Variants in DLG2 observed in about 807,000 individuals in gnomAD.
DLG2 encodes discs large MAGUK scaffold protein 2.
A neutral mutation model predicts 132.5 loss-of-function variants in DLG2; 45 were observed. The ratio of observed to expected loss-of-function variants is 0.34; its 90% CI spans 0.27 to 0.44. The LOEUF (loss-of-function observed/expected upper bound fraction) is 0.44, where lower values mean the gene tolerates loss of function less well. Among genes scored for constraint, DLG2 ranks in the 20% least tolerant of loss-of-function variants. The pLI, the probability that DLG2 is intolerant of heterozygous loss-of-function variation, is 1.00. For missense variants in DLG2, 1,045 were observed against 1,196.9 expected (o/e 0.87, Z 1.87); for synonymous variants, 424 against 419.6 (o/e 1.01, Z -0.13).
Position 83,608,442 on chromosome 11 carries a change from A to G in DLG2, c.1940+24769T>C, listed in dbSNP as rs544413604. On this transcript the variant is annotated intron_variant, in intron 19 of 27. Coordinates refer to ENST00000376104, the MANE Select transcript of DLG2 (RefSeq NM_001142699.3). ...CAATGAGCATTTCCCTTTTCATGTT[A>G]GCACCCAAAAAGTTTTGGATTTTGG... is the stretch of plus-strand genomic sequence containing the variant. 8.8e-4 allele frequency among the ~76,000 whole-genome samples: 134 copies of G among 152,080 alleles called. 1 individual carries two copies. Among genetic ancestry groups the G allele is most frequent in the Non-Finnish European group, 1.5e-3 (100 of 67,974 alleles).
At chr11:84,895,763 G>C (rs1039978851) in intron 6 of DLG2, among the ~76,000 whole-genome samples, 2 of 152,096 alleles carry the variant, frequency 1.3e-5, no homozygotes, top group African/African-American at 4.8e-5. Flanking sequence ...GTTATAGTTT[G>C]AATAAGTATT....
intron 15 of DLG2, among the ~76,000 whole-genome samples, chr11:83,923,254 T>C (rs962998710): frequency 6.6e-6 from 1 of 152,176 alleles, no homozygotes; most frequent in African/African-American, 2.4e-5. Flanking sequence ...TAATGACTAA[T>C]GTGGCTAGTG....
chr11:83,871,638 G>GC (rs6144417), intron 16 of DLG2, among the ~76,000 whole-genome samples: 12,700 of 151,820 alleles, frequency 0.084, 746 homozygotes, highest in Non-Finnish European at 0.12. Context: ...CCCACTATGT[G>GC]CACGTTATCT....
At chr11:85,101,275 T>C (rs2070803406) in intron 6 of DLG2, among the ~76,000 whole-genome samples, 1 of 152,118 alleles carries the variant, frequency 6.6e-6, no homozygotes, top group South Asian at 2.1e-4. Flanking sequence ...TAAAATGCCA[T>C]GATTATACGA....
intron 7 of DLG2, among the ~76,000 whole-genome samples, chr11:84,361,853 G>A (rs771394634): frequency 1.3e-5 from 2 of 151,778 alleles, no homozygotes; most frequent in Non-Finnish European, 2.9e-5. Flanking sequence ...TTTAAAGATA[G>A]ACTGTGATAA....
Position 83,872,642 on chromosome 11 carries a change from G to C in DLG2, c.1565+1778C>G, listed in dbSNP as rs924261162. On this transcript the variant is annotated intron_variant, in intron 16 of 27. Transcript: ENST00000376104. ...GTTCCTCTAACTCAAGTGGAAAACA[G>C]TGGAAATTGAAAAATATTCTTAGGG... 2.6e-5 allele frequency among the ~76,000 whole-genome samples: 4 copies of C among 152,154 alleles called. 1 individual carries two copies. Among genetic ancestry groups the C allele is most frequent in the African/African-American group, 9.7e-5 (4 of 41,450 alleles).
At chr11:85,492,230 G>A (rs1008995425) in intron 3 of DLG2, among the ~76,000 whole-genome samples, 1 of 152,056 alleles carries the variant, frequency 6.6e-6, no homozygotes, top group African/African-American at 2.4e-5. Flanking sequence ...ATGTGTATTC[G>A]GTTGGTGCAA....
intron 2 of DLG2, among the ~76,000 whole-genome samples, chr11:85,605,174 T>A (rs1224595359): frequency 6.6e-6 from 1 of 152,086 alleles, no homozygotes; most frequent in Non-Finnish European, 1.5e-5. Flanking sequence ...CACTGAGAAG[T>A]CATACCTATT....
chr11:83,600,013 C>G (rs1320281811), intron 19 of DLG2, among the ~76,000 whole-genome samples: 2 of 152,118 alleles, frequency 1.3e-5, no homozygotes, highest in African/African-American at 4.8e-5. Flanking sequence ...TACAGATAAG[C>G]TGAGTGTAAT....
chr11:83,862,255 C>A (rs1305566905), intron 16 of DLG2, among the ~76,000 whole-genome samples: 1 of 152,024 alleles, frequency 6.6e-6, no homozygotes, highest in Admixed American at 6.6e-5. Flanking sequence ...CACTACTATC[C>A]AGCCATAAAA....
At chr11:83,832,634 T>A (rs1394756937) in intron 17 of DLG2, among the ~76,000 whole-genome samples, 1 of 152,096 alleles carries the variant, frequency 6.6e-6, no homozygotes, top group Non-Finnish European at 1.5e-5. Context: ...GGGAAATGAT[T>A]GAAAAACTAC....
intron 3 of DLG2, among the ~76,000 whole-genome samples, chr11:85,446,998 G>T (rs901180634): frequency 6.6e-6 from 1 of 152,002 alleles, no homozygotes; most frequent in Non-Finnish European, 1.5e-5. Flanking sequence ...AAAGAGAAAG[G>T]CAACACAGTG....
At chr11:84,159,154 C>T (rs2095492621) in intron 9 of DLG2, among the ~76,000 whole-genome samples, 1 of 152,194 alleles carries the variant, frequency 6.6e-6, no homozygotes, top group Non-Finnish European at 1.5e-5. Context: ...ATGCCAACCA[C>T]TCCCTGAGTA....
chr11:84,574,955 A>G (rs559810067), intron 6 of DLG2, among the ~76,000 whole-genome samples: 3 of 152,158 alleles, frequency 2.0e-5, no homozygotes, highest in African/African-American at 7.2e-5. Context: ...CCCTGTCAAT[A>G]TGTCTTTGAG....
At chr11:83,705,823 T>G (rs1474876016) in intron 18 of DLG2, among the ~76,000 whole-genome samples, 1 of 152,262 alleles carries the variant, frequency 6.6e-6, no homozygotes, top group African/African-American at 2.4e-5. Flanking sequence ...AAGGCTTATT[T>G]TGCATGGCTC....
chr11:84,596,190 G>GTCTCTCTCTCTC (rs59824224), intron 6 of DLG2, among the ~76,000 whole-genome samples: 20 of 144,824 alleles, frequency 1.4e-4, no homozygotes, highest in African/African-American at 4.6e-4. Flanking sequence ...TCTTTTCTCT[G>GTCTCTCTCTCTC]TCTCTCTCTC....
intron 21 of DLG2, among the ~76,000 whole-genome samples, chr11:83,485,018 A>G (rs1336226564): frequency 6.6e-6 from 1 of 152,150 alleles, no homozygotes; most frequent in Non-Finnish European, 1.5e-5. Flanking sequence ...CCATGAGGCA[A>G]TCAACCAAAA....
intron 3 of DLG2, among the ~76,000 whole-genome samples, chr11:85,458,021 A>T (rs1305013366): frequency 6.6e-6 from 1 of 152,136 alleles, no homozygotes; most frequent in Non-Finnish European, 1.5e-5. Flanking sequence ...GATATTCTAA[A>T]ATATGTTTTC....
chr11:85,431,344 A>G (rs1314351675), intron 3 of DLG2, among the ~76,000 whole-genome samples: 3 of 152,128 alleles, frequency 2.0e-5, no homozygotes, highest in Non-Finnish European at 4.4e-5. Context: ...AGCCAAGGGA[A>G]GTGGTGAGTG....
Sources: allele counts gnomAD v4.1 joint callset (sites outside exome capture counted in the v4.1 genomes callset), GRCh38; gene constraint gnomAD v4.1.1; transcripts MANE v1.5; gene names NCBI Gene and HGNC (gene_info 2026-07-23, HGNC 2026-07-21).